Variants in RLN2 observed in about 807,000 individuals in gnomAD.
RLN2 encodes relaxin 2.
In RLN2, 10 loss-of-function variants were observed where a neutral mutation model predicts 7.3. The observed-to-expected ratio is 1.36, with a 90% CI of 0.84 to 2.31. The LOEUF is 2.31. Among genes scored for constraint, RLN2 ranks in the 30% most tolerant of loss-of-function variants. The pLI, the probability that RLN2 is intolerant of heterozygous loss-of-function variation, is 0.00. For synonymous variants in RLN2, 103 were observed against 82.3 expected (o/e 1.25, Z -1.36); for missense variants, 298 against 217.6 (o/e 1.37, Z -2.32).
upstream of RLN2, among the ~76,000 whole-genome samples, chr9:5,307,245 AGATAGAT>A (rs1816267837): frequency 7.1e-6 from 1 of 141,608 alleles, no homozygotes; most frequent in Non-Finnish European, 1.5e-5. Flanking sequence ...GATAGGTGAT[AGATAGAT>A]GATAGATAGA....
In RLN2 at chr9:5,300,001, A is replaced by G; in HGVS notation, c.*97T>C. The G allele has an allele frequency of 1.4e-6, 1 of 699,454 alleles. No homozygotes were observed. The highest frequency in any genetic ancestry group is 2.3e-5 in the South Asian group (1 of 43,070). The allele number at this position is 699,454 out of a possible 1,614,324, so 43.3% of individuals were successfully genotyped here. A position where few individuals can be genotyped will look rare whatever the true frequency, so the allele number is the denominator to read the frequency against. On this transcript the variant is annotated 3_prime_UTR_variant, in exon 2 of 2. Transcript: ENST00000381627. ...CCTAATATCTAACAAAGATTCTTAG[A>G]TATTCTAAGAATTGATGGGACCTGA...
the RLN2 span, chr9:5,335,244 C>T: frequency 7.1e-6 from 11 of 1,546,564 alleles, no homozygotes; most frequent in Non-Finnish European, 9.6e-6. Context: ...GCACAATTAG[C>T]TTCATCTCAG....
rs995654026 is a variant in RLN2 at position 5,304,630 on chromosome 9, T to G, written c.-50A>C. The G allele has an allele frequency of 3.2e-5, 50 of 1,580,132 alleles. No individual in the cohort carries two copies. Among genetic ancestry groups the G allele is most frequent in the Non-Finnish European group, 3.9e-5 (45 of 1,150,342 alleles). Reference sequence around the variant, plus strand: ...TCGGGACGTTGCAGCCTTTCAGGACTGCAGCTGCTGTGGCCTACACACCTG... The same window carrying G: ...TCGGGACGTTGCAGCCTTTCAGGACGGCAGCTGCTGTGGCCTACACACCTG... On this transcript the variant is annotated 5_prime_UTR_variant, in exon 1 of 2. Coordinates refer to ENST00000381627, the MANE Select transcript of RLN2 (RefSeq NM_134441.3).
the RLN2 span, among the ~76,000 whole-genome samples, chr9:5,327,406 A>C: frequency 6.6e-6 from 1 of 151,998 alleles, no homozygotes; most frequent in Non-Finnish European, 1.5e-5. Context: ...TAGGAAGCAC[A>C]AACTGGGTGG....
chr9:5,323,305 A>G, the RLN2 span, among the ~76,000 whole-genome samples: 1 of 151,916 alleles, frequency 6.6e-6, no homozygotes, highest in Admixed American at 6.6e-5. Context: ...AATCTGTCTA[A>G]TATCAATTTA....
Position 5,300,074 on chromosome 9 carries a change from G to A in RLN2, c.*24C>T, listed in dbSNP as rs574229761. 7.4e-5 allele frequency: 103 copies of A among 1,398,042 alleles called. No homozygotes were observed. In the South Asian group the frequency reaches 8.7e-4, roughly 12 times the overall value. 86.6% of individuals were successfully genotyped at this position (1,398,042 alleles called of 1,614,324 possible). A position where few individuals can be genotyped will look rare whatever the true frequency, so the allele number is the denominator to read the frequency against. ...TTAAGAATATGTGTGAATATTATAC[G>A]AGATGTGCACAATTAGCTTCATCTC... On this transcript the variant is annotated 3_prime_UTR_variant, in exon 2 of 2. Coordinates refer to ENST00000381627, the MANE Select transcript of RLN2 (RefSeq NM_134441.3).
Position 5,300,339 on chromosome 9 carries a change from T to C in RLN2, c.317A>G (p.Gln106Arg), listed in dbSNP as rs765476670. The change falls in exon 2 of 2, where the codon CAG becomes CGG. Residue 106 changes from glutamine to arginine, a missense_variant. Coordinates refer to ENST00000381627, the MANE Select transcript of RLN2 (RefSeq NM_134441.3). ...QELKLTLSEM[Q>R]PALPQLQQHV... is the part of the protein sequence containing the mutation. ...TTGTTGTAGCTGTGGTAATGCTGGC[T>C]GCATCTCAGACAGGGTTAACTTCAG... 6.2e-7 allele frequency: 1 copy of C among 1,613,994 alleles called. No individual in the cohort carries two copies. Among genetic ancestry groups the C allele is most frequent in the East Asian group, 2.2e-5 (1 of 44,872 alleles).
At chr9:5,314,000 A>C in the RLN2 span, among the ~76,000 whole-genome samples, 1 of 151,960 alleles carries the variant, frequency 6.6e-6, no homozygotes, top group African/African-American at 2.4e-5. Flanking sequence ...GAAGAGGACC[A>C]CAGCAGCCCC....
chr9:5,306,102 G>GGTTTT (rs1554618110), upstream of RLN2, among the ~76,000 whole-genome samples: 9 of 123,460 alleles, frequency 7.3e-5, no homozygotes, highest in African/African-American at 2.6e-4. Flanking sequence ...CTTTGTTTTT[G>GGTTTT]TTTTTTGTTT....
At chr9:5,334,242 T>C in the RLN2 span, among the ~76,000 whole-genome samples, 2 of 152,072 alleles carry the variant, frequency 1.3e-5, no homozygotes, top group Non-Finnish European at 1.5e-5. Flanking sequence ...TGTTTGCAGA[T>C]GACATGGTCC....
the RLN2 span, chr9:5,335,088 A>G: frequency 2.0e-6 from 1 of 509,286 alleles, no homozygotes; most frequent in Non-Finnish European, 3.4e-6. Context: ...TACAGAAACT[A>G]CAATCATACA....
At chr9:5,335,359 G>C in the RLN2 span, 3 of 1,613,464 alleles carry the variant, frequency 1.9e-6, no homozygotes, top group African/African-American at 2.7e-5. Flanking sequence ...CCAAGCCTAA[G>C]TATTTTAATT....
chr9:5,314,262 G>T, the RLN2 span, among the ~76,000 whole-genome samples: 1 of 151,932 alleles, frequency 6.6e-6, no homozygotes, highest in East Asian at 1.9e-4. Flanking sequence ...CTGTTGAACC[G>T]CCCCCAAATT....
upstream of RLN2, among the ~76,000 whole-genome samples, chr9:5,307,252 T>TGATAGATA (rs148921093): frequency 7.0e-6 from 1 of 143,870 alleles, no homozygotes; most frequent in African/African-American, 2.6e-5. Context: ...GATAGATAGA[T>TGATAGATA]GATAGATAGA....
the RLN2 span, among the ~76,000 whole-genome samples, chr9:5,324,382 G>C: frequency 6.6e-6 from 1 of 151,904 alleles, no homozygotes; most frequent in Non-Finnish European, 1.5e-5. Context: ...GTGCATAACT[G>C]AAAATAATCA....
upstream of RLN2, among the ~76,000 whole-genome samples, chr9:5,305,826 G>C (rs549782683): frequency 2.6e-5 from 4 of 152,104 alleles, no homozygotes; most frequent in African/African-American, 9.6e-5. Flanking sequence ...CTAGATTGCT[G>C]GTGATGTCAG....
the RLN2 span, among the ~76,000 whole-genome samples, chr9:5,309,777 G>A: frequency 6.6e-6 from 1 of 151,984 alleles, no homozygotes. Flanking sequence ...GCACACAGTG[G>A]CTGCTCAACA....
chr9:5,319,125 C>A, the RLN2 span, among the ~76,000 whole-genome samples: 10 of 152,062 alleles, frequency 6.6e-5, no homozygotes, highest in Non-Finnish European at 1.2e-4. Flanking sequence ...AAGTTTCATA[C>A]ACATCCCTTT....
the RLN2 span, among the ~76,000 whole-genome samples, chr9:5,336,810 G>C: frequency 6.6e-6 from 1 of 151,908 alleles, no homozygotes; most frequent in Non-Finnish European, 1.5e-5. Context: ...GTAAATCTAA[G>C]TGCGGGAGGC....
Sources: gnomAD v4.1 joint callset for allele counts (sites outside exome capture counted in the v4.1 genomes callset) on GRCh38, gnomAD v4.1.1 for gene constraint, MANE v1.5 for transcripts, NCBI Gene and HGNC (gene_info 2026-07-23, HGNC 2026-07-21) for gene names.